Variants in GALNTL6 observed in about 807,000 individuals in gnomAD.
GALNTL6 encodes polypeptide N-acetylgalactosaminyltransferase like 6, also known as polypeptide N-acetylgalactosaminyltransferase-like 6.
Under a neutral mutation model 73.7 loss-of-function variants are expected in GALNTL6, and 46 were observed. That is an observed-to-expected ratio of 0.62 (90% CI 0.49 to 0.80). The LOEUF is 0.80. GALNTL6 is among the 30% of genes least tolerant of loss of function. The pLI is 0.00. For synonymous variants in GALNTL6, 259 were observed against 263.7 expected (o/e 0.98, Z 0.17); for missense variants, 604 against 755.0 (o/e 0.80, Z 2.34).
chr4:173,031,290 T>C (rs1303894979), intron 12 of GALNTL6, among the ~76,000 whole-genome samples: 3 of 152,364 alleles, frequency 2.0e-5, no homozygotes, highest in South Asian at 2.1e-4. Context: ...TACTATACCA[T>C]GCATTCAGCA....
At chr4:172,109,660 A>C (rs1466613986) in intron 2 of GALNTL6, among the ~76,000 whole-genome samples, 2 of 152,234 alleles carry the variant, frequency 1.3e-5, no homozygotes, top group Admixed American at 1.3e-4. Context: ...ATGAAGAATA[A>C]ATGGCTCTGG....
rs1741538364 is a variant in GALNTL6, at chr4:172,815,332, A to T, written c.923+1609A>T. On this transcript the variant is annotated intron_variant, in intron 7 of 12. Transcript: ENST00000506823. ...AAACGTTTTAAATGTAAAAATTTTT[A>T]AAACATGCGTGTGGAGAGGAGTACA... 2.0e-5 allele frequency among the ~76,000 whole-genome samples: 3 copies of T among 152,208 alleles called. No individual in the cohort carries two copies. In the South Asian group the frequency reaches 6.2e-4, roughly 31 times the overall value.
chr4:172,899,988 G>A, intron 8 of GALNTL6, among the ~76,000 whole-genome samples: 1 of 152,134 alleles, frequency 6.6e-6, no homozygotes, highest in East Asian at 1.9e-4. Context: ...TGTTTTATCA[G>A]CAAGGTCTTT....
At chr4:172,788,122 G>C (rs546286887) in intron 5 of GALNTL6, among the ~76,000 whole-genome samples, 3 of 152,246 alleles carry the variant, frequency 2.0e-5, no homozygotes, top group South Asian at 4.1e-4. Context: ...GAGGTGGAAA[G>C]ATCACTTGAG....
intron 5 of GALNTL6, among the ~76,000 whole-genome samples, chr4:172,647,910 G>A (rs1302223814): frequency 2.0e-5 from 3 of 152,054 alleles, no homozygotes; most frequent in African/African-American, 7.2e-5. Context: ...ACTGTTTCTT[G>A]TATGTCAGAC....
intron 2 of GALNTL6, among the ~76,000 whole-genome samples, chr4:172,191,266 C>A (rs1480126884): frequency 6.6e-6 from 1 of 152,178 alleles, no homozygotes; most frequent in Non-Finnish European, 1.5e-5. Flanking sequence ...CCATTTCTGA[C>A]CGTAATTCTC....
intron 5 of GALNTL6, among the ~76,000 whole-genome samples, chr4:172,763,304 A>G (rs1738225537): frequency 1.3e-5 from 2 of 152,222 alleles, no homozygotes; most frequent in African/African-American, 4.8e-5. Flanking sequence ...AGGACCTGCA[A>G]TATTCAGCTA....
chr4:172,399,414 A>G (rs1178888224), intron 5 of GALNTL6, among the ~76,000 whole-genome samples: 1 of 152,060 alleles, frequency 6.6e-6, no homozygotes, highest in Non-Finnish European at 1.5e-5. Flanking sequence ...TGCATGATAT[A>G]TACTTTTAGT....
intron 5 of GALNTL6, among the ~76,000 whole-genome samples, chr4:172,783,461 T>C (rs968253685): frequency 6.8e-6 from 1 of 147,732 alleles, no homozygotes; most frequent in Admixed American, 6.8e-5. Flanking sequence ...ATTATAACAA[T>C]ATAATATTAT....
chr4:172,626,903 A>G (rs1355147743), intron 5 of GALNTL6, among the ~76,000 whole-genome samples: 2 of 152,130 alleles, frequency 1.3e-5, no homozygotes, highest in Non-Finnish European at 2.9e-5. Context: ...TGGCAGTATC[A>G]TTAGAGCTTT....
At chr4:172,642,820 C>T (rs902281696) in intron 5 of GALNTL6, among the ~76,000 whole-genome samples, 1 of 151,574 alleles carries the variant, frequency 6.6e-6, no homozygotes. Context: ...TTATATACAC[C>T]ATAAATATAT....
Position 171,963,167 on chromosome 4 carries a change from G to A in GALNTL6, c.138+148449G>A, listed in dbSNP as rs888020119. On this transcript the variant is annotated intron_variant, in intron 2 of 12. Coordinates refer to ENST00000506823, the MANE Select transcript of GALNTL6 (RefSeq NM_001034845.3). ...CTCTAATTTATAGGATCATAGTATAGTAAATTTGGGAAAGATGCTAGAAAT... is the reference window on the plus strand; with the variant it reads ...CTCTAATTTATAGGATCATAGTATAATAAATTTGGGAAAGATGCTAGAAAT... Among the ~76,000 whole-genome samples the A allele has an allele frequency of 4.6e-5, 7 of 151,546 alleles. No individual in the cohort carries two copies. The East Asian group carries it at 1.4e-3, about 29-fold the overall frequency.
intron 4 of GALNTL6, among the ~76,000 whole-genome samples, chr4:172,340,697 A>G (rs1016277089): frequency 6.6e-6 from 1 of 152,342 alleles, no homozygotes; most frequent in African/African-American, 2.4e-5. Flanking sequence ...GATCAGAGCT[A>G]TATTTAGGCT....
chr4:172,533,013 A>AT (rs1735218489), intron 5 of GALNTL6, among the ~76,000 whole-genome samples: 1 of 108,476 alleles, frequency 9.2e-6, no homozygotes, highest in South Asian at 3.8e-4. Flanking sequence ...ATTTTTGTAG[A>AT]ATTTTTTTTT....
chr4:172,677,386 C>G (rs1732364442), intron 5 of GALNTL6, among the ~76,000 whole-genome samples: 1 of 152,132 alleles, frequency 6.6e-6, no homozygotes, highest in African/African-American at 2.4e-5. Flanking sequence ...GAAGCTGTCT[C>G]CACCTTGGAG....
chr4:172,258,638 G>T (rs2111030836), intron 3 of GALNTL6, among the ~76,000 whole-genome samples: 1 of 151,258 alleles, frequency 6.6e-6, no homozygotes, highest in South Asian at 2.1e-4. Flanking sequence ...GGAACAGGTG[G>T]TTTTTGTTTA....
intron 12 of GALNTL6, among the ~76,000 whole-genome samples, chr4:173,022,966 C>CA (rs1286712884): frequency 6.6e-6 from 1 of 152,200 alleles, no homozygotes; most frequent in African/African-American, 2.4e-5. Flanking sequence ...TCTGCCCTCT[C>CA]AAATCCATGG....
At chr4:172,084,125 A>C (rs1560916000) in intron 2 of GALNTL6, among the ~76,000 whole-genome samples, 1 of 152,202 alleles carries the variant, frequency 6.6e-6, no homozygotes, top group East Asian at 1.9e-4. Context: ...GCTGTGAAAA[A>C]ATTAAACAAA....
intron 5 of GALNTL6, among the ~76,000 whole-genome samples, chr4:172,570,906 C>T (rs887446591): frequency 3.3e-5 from 5 of 152,012 alleles, no homozygotes; most frequent in African/African-American, 9.7e-5. Flanking sequence ...ATAAGAAGAG[C>T]GCAATCTAGA....
Sources: gnomAD v4.1 joint callset for allele counts (sites outside exome capture counted in the v4.1 genomes callset) on GRCh38, gnomAD v4.1.1 for gene constraint, MANE v1.5 for transcripts, NCBI Gene and HGNC (gene_info 2026-07-23, HGNC 2026-07-21) for gene names.